Variants in TMTC1 observed in about 807,000 individuals in gnomAD.
TMTC1 encodes protein O-mannosyl-transferase TMTC1.
Under a neutral mutation model 104.8 loss-of-function variants are expected in TMTC1, and 73 were observed. The observed-to-expected ratio is 0.70, with a 90% CI of 0.58 to 0.85. The LOEUF is 0.85. Ranked by LOEUF, TMTC1 falls within the 40% of genes least tolerant of loss-of-function variation. The pLI, the probability that TMTC1 is intolerant of heterozygous loss-of-function variation, is 0.00. For synonymous variants in TMTC1, 434 were observed against 428.7 expected (o/e 1.01, Z -0.15); for missense variants, 1,035 against 1,096.1 (o/e 0.94, Z 0.79).
At chr12:29,591,274 C>G (rs1946273939) in intron 7 of TMTC1, among the ~76,000 whole-genome samples, 2 of 152,146 alleles carry the variant, frequency 1.3e-5, no homozygotes, top group African/African-American at 4.8e-5. Context: ...CGCACTCTTT[C>G]CCTCCATCGC....
intron 5 of TMTC1, among the ~76,000 whole-genome samples, chr12:29,693,671 C>A (rs1941330595): frequency 6.6e-6 from 1 of 152,058 alleles, no homozygotes. Flanking sequence ...TTAAATTATA[C>A]CTCAATAAGG....
chr12:29,648,053 G>C (rs1378419372), intron 5 of TMTC1, among the ~76,000 whole-genome samples: 1 of 152,198 alleles, frequency 6.6e-6, no homozygotes, highest in Admixed American at 6.5e-5. Flanking sequence ...AGATTTACAA[G>C]AGTGGAGGTC....
chr12:29,661,758 A>C, intron 5 of TMTC1, among the ~76,000 whole-genome samples: 1 of 152,054 alleles, frequency 6.6e-6, no homozygotes, highest in South Asian at 2.1e-4. Context: ...TTTTTAAGGC[A>C]ACAAAGTTAT....
intron 11 of TMTC1, among the ~76,000 whole-genome samples, chr12:29,530,156 C>T (rs2288131): frequency 0.42 from 63,748 of 151,968 alleles, 15,591 homozygotes; most frequent in African/African-American, 0.68. Flanking sequence ...CCTAAGTCCC[C>T]AATCTGACTC....
chr12:29,579,412 T>C (rs1945914386), intron 8 of TMTC1, among the ~76,000 whole-genome samples: 1 of 152,242 alleles, frequency 6.6e-6, no homozygotes, highest in Admixed American at 6.5e-5. Context: ...ACCTGGTTTA[T>C]ATTCTTTTCC....
At chr12:29,587,071 T>G (rs572008571) in intron 7 of TMTC1, among the ~76,000 whole-genome samples, 202 of 152,174 alleles carry the variant, frequency 1.3e-3, no homozygotes, top group African/African-American at 4.6e-3. Context: ...GCCCTGGACT[T>G]TTTTTGGTTG....
intron 5 of TMTC1, among the ~76,000 whole-genome samples, chr12:29,637,441 T>A (rs1183491611): frequency 6.6e-6 from 1 of 152,246 alleles, no homozygotes; most frequent in East Asian, 1.9e-4. Flanking sequence ...GTCACAAGAA[T>A]ATCTTGCCAA....
chr12:29,615,424 T>C (rs924255995), intron 6 of TMTC1, among the ~76,000 whole-genome samples: 15 of 152,188 alleles, frequency 9.9e-5, no homozygotes, highest in African/African-American at 3.6e-4. Context: ...TTTTAAATCA[T>C]GTTAAGCAGG....
At chr12:29,668,389 C>T (rs1270380366) in intron 5 of TMTC1, among the ~76,000 whole-genome samples, 2 of 151,254 alleles carry the variant, frequency 1.3e-5, no homozygotes, top group African/African-American at 4.9e-5. Flanking sequence ...AATACTACCA[C>T]AATGGGGATT....
chr12:29,690,786 C>T (rs1375247659), intron 5 of TMTC1, among the ~76,000 whole-genome samples: 1 of 152,170 alleles, frequency 6.6e-6, no homozygotes, highest in Non-Finnish European at 1.5e-5. Flanking sequence ...ATATTTGTTA[C>T]CCCTTAATAT....
chr12:29,541,571 A>G (rs1476743100), intron 10 of TMTC1, among the ~76,000 whole-genome samples: 2 of 151,600 alleles, frequency 1.3e-5, no homozygotes, highest in African/African-American at 2.4e-5. Flanking sequence ...ATCCTTCCAC[A>G]TTTCAAACCA....
At chr12:29,604,386 C>A in intron 6 of TMTC1, 87 bp from the exon 7 acceptor site, 1 of 1,558,696 alleles carries the variant, frequency 6.4e-7, no homozygotes, top group Non-Finnish European at 8.8e-7. Context: ...CTTTCAGGTT[C>A]TCAATGAAGA....
chr12:29,749,007 G>T (rs1313701905), intron 5 of TMTC1, among the ~76,000 whole-genome samples: 1 of 152,102 alleles, frequency 6.6e-6, no homozygotes, highest in Non-Finnish European at 1.5e-5. Flanking sequence ...CATCATGGCG[G>T]ACTATGACAG....
At chr12:29,614,151 G>T (rs2136437156) in intron 6 of TMTC1, among the ~76,000 whole-genome samples, 1 of 152,204 alleles carries the variant, frequency 6.6e-6, no homozygotes, top group Admixed American at 6.5e-5. Flanking sequence ...ATAACAAGAA[G>T]TGTAGTAACT....
chr12:29,751,883 T>C lies in TMTC1; in HGVS notation c.732-11A>G. The C allele has an allele frequency of 6.5e-7, 1 of 1,540,296 alleles. No homozygotes were observed. Among genetic ancestry groups the C allele is most frequent in the Non-Finnish European group, 8.8e-7 (1 of 1,141,936 alleles). ...AGGGCCCCATTGCTCCTGTTGTGCA[T>C]GGAATTGAGGGAAAACAAAGTCAAC... On this transcript the variant is annotated splice_polypyrimidine_tract_variant and intron_variant, in intron 4 of 17. Transcript: ENST00000539277.
At chr12:29,677,852 C>T (rs922511800) in intron 5 of TMTC1, among the ~76,000 whole-genome samples, 2 of 152,242 alleles carry the variant, frequency 1.3e-5, no homozygotes, top group African/African-American at 4.8e-5. Flanking sequence ...AGCAGCGATG[C>T]TGCCATATGG....
At chr12:29,523,236 A>C (rs1030384208) in intron 11 of TMTC1, among the ~76,000 whole-genome samples, 4 of 152,260 alleles carry the variant, frequency 2.6e-5, no homozygotes, top group African/African-American at 9.6e-5. Flanking sequence ...AGCAAGAAAG[A>C]GTTCACAGAT....
chr12:29,612,540 G>C (rs753454513), intron 6 of TMTC1, among the ~76,000 whole-genome samples: 3 of 152,098 alleles, frequency 2.0e-5, no homozygotes, highest in African/African-American at 4.8e-5. Flanking sequence ...TCAGCCACCT[G>C]AGTTGGGATT....
chr12:29,636,988 A>G (rs1938583765), intron 5 of TMTC1, among the ~76,000 whole-genome samples: 1 of 151,846 alleles, frequency 6.6e-6, no homozygotes, highest in African/African-American at 2.4e-5. Context: ...TTAGCCAGGG[A>G]GGTCAAGGCT....
Sources: allele counts gnomAD v4.1 joint callset (sites outside exome capture counted in the v4.1 genomes callset), GRCh38; gene constraint gnomAD v4.1.1; transcripts MANE v1.5; gene names NCBI Gene and HGNC (gene_info 2026-07-23, HGNC 2026-07-21).